Variants in DCDC2 observed in about 807,000 individuals in gnomAD.
DCDC2 encodes the protein doublecortin domain-containing protein 2.
DCDC2 carries 40 observed loss-of-function variants against 50.2 expected under a neutral mutation model. The observed-to-expected ratio is 0.80, with a 90% CI of 0.62 to 1.04. The LOEUF (loss-of-function observed/expected upper bound fraction) is 1.04. Ranked by LOEUF, DCDC2 falls within the 50% of genes least tolerant of loss-of-function variation. DCDC2 has a pLI of 0.00. For missense variants in DCDC2, 570 were observed against 581.9 expected (o/e 0.98, Z 0.21); for synonymous variants, 234 against 210.6 (o/e 1.11, Z -0.96).
chr6:24,336,273 A>C (rs183208515), intron 2 of DCDC2, among the ~76,000 whole-genome samples: 36 of 152,304 alleles, frequency 2.4e-4, no homozygotes, highest in Non-Finnish European at 3.5e-4. Flanking sequence ...AAGGATATTT[A>C]ACATATTTTC....
intron 7 of DCDC2, among the ~76,000 whole-genome samples, chr6:24,258,098 C>T (rs571361534): frequency 2.0e-5 from 3 of 152,152 alleles, no homozygotes; most frequent in East Asian, 1.9e-4. Context: ...CGGGTGGGTT[C>T]GTGGTCTCGC....
At chr6:24,180,074 C>G (rs1188016561) in intron 8 of DCDC2, among the ~76,000 whole-genome samples, 2 of 151,780 alleles carry the variant, frequency 1.3e-5, no homozygotes, top group Non-Finnish European at 2.9e-5. Flanking sequence ...TGTTACCTAA[C>G]TTTGGTGAGT....
chr6:24,244,225 G>C (rs190686385), intron 7 of DCDC2, among the ~76,000 whole-genome samples: 299 of 152,262 alleles, frequency 2.0e-3, no homozygotes, highest in African/African-American at 6.9e-3. Context: ...ACTTCTAAAG[G>C]AAAGTTAAGA....
At chr6:24,356,860 G>A (rs1199460213) in intron 1 of DCDC2, 1 of 152,272 alleles carries the variant, frequency 6.6e-6, no homozygotes, top group Non-Finnish European at 1.5e-5. Flanking sequence ...CGTTGCTGGA[G>A]ACAGACAGTC....
intron 7 of DCDC2, among the ~76,000 whole-genome samples, chr6:24,275,381 G>C (rs560650536): frequency 6.6e-6 from 1 of 152,270 alleles, no homozygotes; most frequent in Non-Finnish European, 1.5e-5. Flanking sequence ...GTTATCAAGT[G>C]ATGGTTTAAT....
Position 24,357,940 on chromosome 6 carries a change from G to T in DCDC2, c.-190C>A. 6.6e-7 allele frequency: 1 copy of T among 1,510,316 alleles called. No individual in the cohort carries two copies. Among genetic ancestry groups the T allele is most frequent in the South Asian group, 1.3e-5 (1 of 74,394 alleles). 93.6% of individuals were successfully genotyped at this position (1,510,316 alleles called of 1,614,324 possible). ...CACCCAGAGGAGACACTAGGAGCTT[G>T]CAGGACTCGGAGTAGACGCTCAAGT... On this transcript the variant is annotated 5_prime_UTR_variant, in exon 1 of 10. Transcript: ENST00000378454.
intron 7 of DCDC2, among the ~76,000 whole-genome samples, chr6:24,223,508 TTTTAC>T (rs989120575): frequency 1.3e-5 from 2 of 152,202 alleles, no homozygotes; most frequent in Non-Finnish European, 2.9e-5. Context: ...GTTGCAACAA[TTTTAC>T]TTTAACTTTG....
intron 2 of DCDC2, among the ~76,000 whole-genome samples, chr6:24,318,000 T>C (rs544391641): frequency 1.3e-5 from 2 of 151,910 alleles, no homozygotes; most frequent in East Asian, 3.9e-4. Flanking sequence ...AGGCAACATA[T>C]TTGTTTTTTA....
At position 24,232,231 on chromosome 6, in the gene DCDC2, C is replaced by T. The variant is rs539064820; in HGVS notation, c.923-27129G>A. 3.3e-5 allele frequency among the ~76,000 whole-genome samples: 5 copies of T among 152,260 alleles called. No homozygotes were observed. In the East Asian group the frequency reaches 9.6e-4, roughly 29 times the overall value. The stretch of plus-strand genomic sequence containing the variant: ...AGTGCCATAAAATTGACGTACATCT[C>T]AATTAACCAGGCACAGAAATATTTT... On this transcript the variant is annotated intron_variant, in intron 7 of 9. Transcript: ENST00000378454.
At chr6:24,188,967 T>C (rs1392583735) in intron 8 of DCDC2, among the ~76,000 whole-genome samples, 1 of 152,036 alleles carries the variant, frequency 6.6e-6, no homozygotes, top group African/African-American at 2.4e-5. Flanking sequence ...ACAGACAATA[T>C]GTACCCTTAA....
rs1016345146 is a variant in DCDC2, at chr6:24,337,809, A to G, written c.348+15760T>C. On this transcript the variant is annotated intron_variant, in intron 2 of 9. Coordinates refer to ENST00000378454, the MANE Select transcript of DCDC2 (RefSeq NM_016356.5). ...CAAGACTCCGTCTCAAAAAAAAAAA[A>G]AAAGACTATTAAGGAAATTGAAAGA... 7.3e-5 allele frequency among the ~76,000 whole-genome samples: 11 copies of G among 151,488 alleles called. 1 individual carries two copies. The highest frequency in any genetic ancestry group is 2.7e-4 in the African/African-American group (11 of 41,204).
chr6:24,215,560 T>C (rs1761955533), intron 7 of DCDC2, among the ~76,000 whole-genome samples: 1 of 152,080 alleles, frequency 6.6e-6, no homozygotes, highest in African/African-American at 2.4e-5. Context: ...GGTGGAGATA[T>C]CATGGCAGAG....
chr6:24,382,632 A>G, the DCDC2 span, among the ~76,000 whole-genome samples: 10 of 152,242 alleles, frequency 6.6e-5, no homozygotes. Context: ...GAACAATGAA[A>G]TGAAACTGGA....
intron 6 of DCDC2, among the ~76,000 whole-genome samples, chr6:24,284,860 G>A (rs1763560515): frequency 6.6e-6 from 1 of 151,842 alleles, no homozygotes; most frequent in Non-Finnish European, 1.5e-5. Context: ...CTCATCCCTG[G>A]CACAATTGGC....
chr6:24,343,905 G>T (rs80025438), intron 2 of DCDC2, among the ~76,000 whole-genome samples: 2 of 152,018 alleles, frequency 1.3e-5, no homozygotes, highest in African/African-American at 4.8e-5. Context: ...ATATGGGCAC[G>T]CTGTGGGATG....
chr6:24,284,661 C>T (rs1047659120), intron 6 of DCDC2, among the ~76,000 whole-genome samples: 2 of 151,822 alleles, frequency 1.3e-5, no homozygotes, highest in African/African-American at 2.4e-5. Context: ...TCACTCCCTC[C>T]CTATAACCCT....
intron 8 of DCDC2, 53 bp downstream of exon 8, chr6:24,204,949 G>T: frequency 6.5e-7 from 1 of 1,531,024 alleles, no homozygotes; most frequent in Non-Finnish European, 8.9e-7. Context: ...ACAAAACTTG[G>T]AAAAAAAACA....
intron 2 of DCDC2, among the ~76,000 whole-genome samples, chr6:24,331,344 A>C (rs1030375311): frequency 6.6e-6 from 1 of 151,438 alleles, no homozygotes; most frequent in Non-Finnish European, 1.5e-5. Context: ...TCTGTCACCC[A>C]GGCTAGAGTT....
chr6:24,196,247 C>G (rs1248706525), intron 8 of DCDC2, among the ~76,000 whole-genome samples: 1 of 149,002 alleles, frequency 6.7e-6, no homozygotes, highest in Non-Finnish European at 1.5e-5. Flanking sequence ...GCAATACTCT[C>G]TCCTCAGATC....
Sources: allele counts gnomAD v4.1 joint callset (sites outside exome capture counted in the v4.1 genomes callset), GRCh38; gene constraint gnomAD v4.1.1; transcripts MANE v1.5; gene names NCBI Gene and HGNC (gene_info 2026-07-23, HGNC 2026-07-21).